The following USP6 variants were observed in gnomAD, a reference collection of about 807,000 sequenced individuals.
USP6 encodes ubiquitin specific peptidase 6.
USP6 carries 128 observed loss-of-function variants against 175.7 expected under a neutral mutation model. The ratio of observed to expected loss-of-function variants is 0.73; its 90% confidence interval spans 0.63 to 0.84. The LOEUF is 0.84. Ranked by LOEUF, USP6 falls within the 40% of genes least tolerant of loss-of-function variation. The probability of loss-of-function intolerance (pLI) is 0.00; values close to 1 mark genes in which losing one functional copy is unlikely to be tolerated. For synonymous variants in USP6, 562 were observed against 630.6 expected (o/e 0.89, Z 1.63); for missense variants, 1,498 against 1,760.3 (o/e 0.85, Z 2.67).
chr17:5,150,413 TA>T (rs1421343721), intron 30 of USP6, among the ~76,000 whole-genome samples: 1 of 151,686 alleles, frequency 6.6e-6, no homozygotes, highest in Non-Finnish European at 1.5e-5. Context: ...AATGAAGTTG[TA>T]AAAAAGGTAC....
rs183007687 is a variant in USP6, at chr17:5,124,144, C to T, written c.-1298-422C>T. Among the ~76,000 whole-genome samples, 66 of 152,338 alleles carry T rather than the reference C, an allele frequency of 4.3e-4. 4 individuals carry two copies. Among genetic ancestry groups the T allele is most frequent in the Admixed American group, 3.2e-3 (49 of 15,304 alleles). ...GAGGACACTGCAGGCACAGTCTGTG[C>T]ACACATACTCTCAGGTCACATAAAC... On this transcript the variant is annotated intron_variant, in intron 4 of 37. Transcript: ENST00000574788.
At chr17:5,118,956 A>G (rs1297153932) in intron 2 of USP6, among the ~76,000 whole-genome samples, 1 of 152,182 alleles carries the variant, frequency 6.6e-6, no homozygotes, top group African/African-American at 2.4e-5. Context: ...GAAAGAACCA[A>G]TCGGGAGGGA....
At position 5,155,538 on chromosome 17, in the gene USP6, T is replaced by C. The variant is rs751508031; in HGVS notation, c.2760T>C (p.Val920=). ...GGAAGAAAGACCTATATGATGCGGT[T>C]TGGATTCAAGTATCCTGGTTAGCAA... ...HTRKKDLYDA[V]WIQVSWLARP... The change falls in exon 31 of 38, where the codon GTT becomes GTC. Residue 920 remains valine, a synonymous_variant. Transcript: ENST00000574788. The C allele has an allele frequency of 1.6e-5, 26 of 1,613,974 alleles. No individual in the cohort carries two copies. The Middle Eastern group carries it at 8.2e-4, about 51-fold the overall frequency.
In USP6 at chr17:5,141,406, T is replaced by C; in HGVS notation, c.1499-19T>C. ...ATTAGACAGATAAGAAATTAACACATTCCTATCTGTCCTTCCAGTTCACAA... is the reference window on the plus strand; with the variant it reads ...ATTAGACAGATAAGAAATTAACACACTCCTATCTGTCCTTCCAGTTCACAA... On this transcript the variant is annotated intron_variant, in intron 22 of 37. Coordinates refer to ENST00000574788, the MANE Select transcript of USP6 (RefSeq NM_001304284.2). 1 of 1,592,052 alleles carries C rather than the reference T, an allele frequency of 6.3e-7. No homozygotes were observed. Among genetic ancestry groups the C allele is most frequent in the African/African-American group, 1.4e-5 (1 of 73,800 alleles).
chr17:5,137,242 T>A, intron 19 of USP6, 56 bp downstream of exon 19: 1 of 1,592,686 alleles, frequency 6.3e-7, no homozygotes, highest in Non-Finnish European at 8.6e-7. Flanking sequence ...TGCAGTGCCG[T>A]GCTTCCCCAG....
chr17:5,136,513 G>A, intron 17 of USP6, 127 bp from the exon 18 acceptor site: 2 of 1,245,806 alleles, frequency 1.6e-6, no homozygotes, highest in Non-Finnish European at 2.3e-6. Context: ...CGCATGGTAG[G>A]GTCACCAGAT....
intron 4 of USP6, among the ~76,000 whole-genome samples, chr17:5,124,067 G>A (rs1054777418): frequency 6.6e-6 from 1 of 152,174 alleles, no homozygotes; most frequent in Non-Finnish European, 1.5e-5. Flanking sequence ...TCCTAGGCAT[G>A]TGTGGACAGG....
Position 5,132,532 on chromosome 17 carries a change from G to A in USP6, c.195+97G>A, listed in dbSNP as rs2073105511. ...AAGCAGCTGGCCTGGGCGGTGGCGG[G>A]TGAGGGCAACACGCTGTCACTGGGA... On this transcript the variant is annotated intron_variant, in intron 12 of 37. Coordinates refer to ENST00000574788, the MANE Select transcript of USP6 (RefSeq NM_001304284.2). The surrounding 1 kb of genome is among the most constrained non-coding windows in gnomAD (Gnocchi z 4.7). The A allele has an allele frequency of 2.5e-6, 4 of 1,601,372 alleles. No homozygotes were observed. The highest frequency in any genetic ancestry group is 1.7e-6 in the Non-Finnish European group (2 of 1,170,348).
At position 5,139,634 on chromosome 17, in the gene USP6, C is replaced by T; in HGVS notation, c.1458C>T (p.Asp486=). 6.2e-7 allele frequency: 1 copy of T among 1,612,654 alleles called. No individual in the cohort carries two copies. Among genetic ancestry groups the T allele is most frequent in the South Asian group, 1.1e-5 (1 of 91,056 alleles). The part of the protein sequence containing the change: ...SCWVRAISQE[D]QLATCWQAEH... Reference sequence around the variant, plus strand: ...GGGTCCGTGCCATATCCCAGGAGGACCAGCTGGCCACCTGCTGGCAGGCTG... The same window carrying T: ...GGGTCCGTGCCATATCCCAGGAGGATCAGCTGGCCACCTGCTGGCAGGCTG... Residue 486 remains aspartate (D), a synonymous_variant, in exon 22 of 38, where the codon GAC becomes GAT. Coordinates refer to ENST00000574788, the MANE Select transcript of USP6 (RefSeq NM_001304284.2).
intron 28 of USP6, among the ~76,000 whole-genome samples, chr17:5,146,705 A>C (rs2289099): frequency 0.062 from 9,513 of 152,232 alleles, 369 homozygotes; most frequent in East Asian, 0.15. Context: ...AAGCTCCTGC[A>C]ACTGCTATTA....
chr17:5,137,402 A>G (rs552671872), intron 19 of USP6, among the ~76,000 whole-genome samples: 1 of 152,310 alleles, frequency 6.6e-6, no homozygotes, highest in South Asian at 2.1e-4. Context: ...TCAGGACCCA[A>G]CTTGAGAGGG....
chr17:5,130,536 C>T (rs1169167844), intron 10 of USP6, 66 bp from the exon 11 acceptor site: 4 of 1,609,874 alleles, frequency 2.5e-6, no homozygotes, highest in African/African-American at 2.7e-5. Flanking sequence ...GGACGGGTGG[C>T]CAATACCCCC....
chr17:5,140,931 C>A (rs2073426511), intron 22 of USP6, among the ~76,000 whole-genome samples: 1 of 152,326 alleles, frequency 6.6e-6, no homozygotes, highest in African/African-American at 2.4e-5. Flanking sequence ...TATCCATCAG[C>A]TGCTCTAGCT....
rs1194838211 is a variant in USP6 at position 5,116,738 on chromosome 17, G to GT, written c.-1928dup. ...TTTGAATTCGTTTCTTCACTTACTAGTTGTGAGTCTTTGGGCAAATTTGCC... is the reference window on the plus strand; with the variant it reads ...TTTGAATTCGTTTCTTCACTTACTAGTTTGTGAGTCTTTGGGCAAATTTGCC... On this transcript the variant is annotated splice_region_variant and 5_prime_UTR_variant, in exon 1 of 38. Transcript: ENST00000574788. The GT allele has an allele frequency of 6.6e-6, 1 of 152,234 alleles. No homozygotes were observed. Among genetic ancestry groups the GT allele is most frequent in the Admixed American group, 6.5e-5 (1 of 15,286 alleles). 9.4% of individuals were successfully genotyped at this position (152,234 alleles called of 1,614,324 possible).
chr17:5,150,058 CTGAG>C (rs2073721127), intron 30 of USP6, among the ~76,000 whole-genome samples: 1 of 152,036 alleles, frequency 6.6e-6, no homozygotes, highest in East Asian at 1.9e-4. Flanking sequence ...CTTTGGGAGG[CTGAG>C]ACAGGTGGAT....
At chr17:5,161,392 T>G in intron 31 of USP6, 136 bp from the exon 32 acceptor site, 1 of 811,670 alleles carries the variant, frequency 1.2e-6, no homozygotes, top group Non-Finnish European at 2.0e-6. Context: ...TTAGGGTAAG[T>G]AACATTGAGC....
At chr17:5,156,731 T>A (rs1947797806) in intron 31 of USP6, among the ~76,000 whole-genome samples, 1 of 151,706 alleles carries the variant, frequency 6.6e-6, no homozygotes, top group African/African-American at 2.4e-5. Flanking sequence ...TTAGGATAAA[T>A]ACATCTTTTT....
At chr17:5,130,129 C>T (rs985986603) in intron 9 of USP6, 40 bp downstream of exon 9, 1 of 534,048 alleles carries the variant, frequency 1.9e-6, no homozygotes, top group Non-Finnish European at 3.4e-6. Flanking sequence ...CAACCGGATT[C>T]TCTGTCCAGG....
intron 22 of USP6, among the ~76,000 whole-genome samples, chr17:5,140,319 A>G (rs1427645177): frequency 2.0e-5 from 3 of 152,118 alleles, no homozygotes; most frequent in East Asian, 3.9e-4. Context: ...AATCCCAGCA[A>G]TTTGAGAGGT....
Sources: allele counts gnomAD v4.1 joint callset (sites outside exome capture counted in the v4.1 genomes callset), GRCh38; gene constraint gnomAD v4.1.1; non-coding constraint Gnocchi (gnomAD v3.1); transcripts MANE v1.5; gene names NCBI Gene and HGNC (gene_info 2026-07-23, HGNC 2026-07-21).